GPR158: variants seen among roughly 807,000 people sequenced by gnomAD.
GPR158 encodes metabotropic glycine receptor.
In GPR158, 30 loss-of-function variants were observed where a neutral mutation model predicts 78.2. The ratio of observed to expected loss-of-function variants is 0.38; its 90% CI spans 0.29 to 0.52. GPR158 has a LOEUF of 0.52. Among genes scored for constraint, GPR158 ranks in the 20% least tolerant of loss-of-function variants. The pLI is 0.83. For synonymous variants in GPR158, 581 were observed against 591.1 expected (o/e 0.98, Z 0.25); for missense variants, 1,463 against 1,523.5 (o/e 0.96, Z 0.66).
At chr10:25,260,123 C>T (rs1221645757) in intron 2 of GPR158, among the ~76,000 whole-genome samples, 2 of 151,978 alleles carry the variant, frequency 1.3e-5, no homozygotes, top group East Asian at 1.9e-4. Context: ...TTTTAAAGAA[C>T]GAGGTAACTG....
At chr10:25,302,971 G>T (rs1413400) in intron 2 of GPR158, among the ~76,000 whole-genome samples, 30,774 of 152,122 alleles carry the variant, frequency 0.2, 5,257 homozygotes, top group African/African-American at 0.47. Flanking sequence ...TCAATTCTTC[G>T]TCTGGTAGAT....
In GPR158 at chr10:25,176,472, C is replaced by T; in HGVS notation, c.902+150C>T. On this transcript the variant is annotated intron_variant, in intron 1 of 10. Coordinates refer to ENST00000376351, the MANE Select transcript of GPR158 (RefSeq NM_020752.3). The surrounding 1 kb of genome is among the most constrained non-coding windows in gnomAD (Gnocchi z 6.3). ...GAGACCCGGGCTGAGGGACACCCCA[C>T]GCGGGCGCGGGTGCTTGGGGGCAAG... 1.5e-6 allele frequency: 1 copy of T among 663,224 alleles called. No homozygotes were observed. The highest frequency in any genetic ancestry group is 3.5e-5 in the Admixed American group (1 of 28,880). 41.1% of individuals were successfully genotyped at this position (663,224 alleles called of 1,614,324 possible). A position where few individuals can be genotyped will look rare whatever the true frequency, so the allele number is the denominator to read the frequency against.
intron 7 of GPR158, among the ~76,000 whole-genome samples, chr10:25,579,930 T>C (rs1214130107): frequency 2.0e-5 from 3 of 152,204 alleles, no homozygotes; most frequent in Non-Finnish European, 4.4e-5. Flanking sequence ...TAACTCTTCT[T>C]AACAGCATTT....
intron 5 of GPR158, among the ~76,000 whole-genome samples, chr10:25,483,747 G>A (rs944540134): frequency 2.0e-5 from 3 of 152,234 alleles, no homozygotes; most frequent in East Asian, 3.9e-4. Flanking sequence ...AACATGTGGA[G>A]TATGGCTCTT....
intron 5 of GPR158, among the ~76,000 whole-genome samples, chr10:25,471,795 T>G (rs1366452493): frequency 6.6e-6 from 1 of 152,216 alleles, no homozygotes; most frequent in Non-Finnish European, 1.5e-5. Flanking sequence ...CTTCGCCCAC[T>G]TTTTGATGGG....
chr10:25,471,132 C>T (rs529447156), intron 5 of GPR158, among the ~76,000 whole-genome samples: 6 of 143,730 alleles, frequency 4.2e-5, no homozygotes, highest in Admixed American at 1.4e-4. Context: ...TGACAGGCCC[C>T]GGTGTGTGAT....
At chr10:25,187,085 C>A (rs1852699623) in intron 1 of GPR158, among the ~76,000 whole-genome samples, 1 of 151,712 alleles carries the variant, frequency 6.6e-6, no homozygotes, top group Non-Finnish European at 1.5e-5. Flanking sequence ...CTGCCTCAGC[C>A]TCCCGAGTAT....
intron 5 of GPR158, among the ~76,000 whole-genome samples, chr10:25,515,682 C>A (rs1284386488): frequency 7.9e-4 from 118 of 149,002 alleles, no homozygotes; most frequent in Middle Eastern, 3.4e-3. Flanking sequence ...ATCCATGTCC[C>A]TACAAAGGAC....
chr10:25,354,269 C>A (rs2130523650), intron 2 of GPR158, among the ~76,000 whole-genome samples: 1 of 151,360 alleles, frequency 6.6e-6, no homozygotes, highest in South Asian at 2.1e-4. Flanking sequence ...GCAGGAGAAT[C>A]ACTTGAACTG....
intron 2 of GPR158, among the ~76,000 whole-genome samples, chr10:25,387,106 T>C (rs1450620854): frequency 6.6e-6 from 1 of 152,190 alleles, no homozygotes; most frequent in Non-Finnish European, 1.5e-5. Flanking sequence ...ATGTTATCTG[T>C]GGTTTTTCAT....
chr10:25,552,544 T>C (rs75236408), intron 6 of GPR158, among the ~76,000 whole-genome samples: 10,837 of 152,258 alleles, frequency 0.071, 779 homozygotes, highest in African/African-American at 0.18. Context: ...CTTATAGTTT[T>C]CTTATTTGTC....
intron 1 of GPR158, among the ~76,000 whole-genome samples, chr10:25,215,020 T>C (rs1853188631): frequency 1.3e-5 from 2 of 152,200 alleles, no homozygotes; most frequent in South Asian, 2.1e-4. Context: ...AATTCAGCAG[T>C]CCTGGCTTTT....
intron 1 of GPR158, among the ~76,000 whole-genome samples, chr10:25,207,834 G>A (rs1853065786): frequency 6.6e-6 from 1 of 152,126 alleles, no homozygotes; most frequent in South Asian, 2.1e-4. Flanking sequence ...TGATTAGTGG[G>A]CTTCATGTTT....
At chr10:25,537,287 C>T (rs1836513562) in intron 5 of GPR158, among the ~76,000 whole-genome samples, 1 of 152,100 alleles carries the variant, frequency 6.6e-6, no homozygotes, top group African/African-American at 2.4e-5. Context: ...CTCTTTCAGC[C>T]TTAATATAGT....
At chr10:25,491,830 G>A (rs1453566688) in intron 5 of GPR158, among the ~76,000 whole-genome samples, 1 of 152,072 alleles carries the variant, frequency 6.6e-6, no homozygotes, top group African/African-American at 2.4e-5. Context: ...ATCATTATAT[G>A]GATAGGTCAA....
intron 2 of GPR158, among the ~76,000 whole-genome samples, chr10:25,227,396 T>C (rs146258921): frequency 4.6e-5 from 7 of 152,342 alleles, no homozygotes; most frequent in Admixed American, 1.3e-4. Flanking sequence ...CATCTTTCCC[T>C]GCGTACAGTT....
At chr10:25,362,072 A>G (rs1855648970) in intron 2 of GPR158, among the ~76,000 whole-genome samples, 1 of 151,784 alleles carries the variant, frequency 6.6e-6, no homozygotes, top group African/African-American at 2.4e-5. Flanking sequence ...ATCCTGAAAT[A>G]TTTCCTGTAT....
rs574651718 is a variant in GPR158, at chr10:25,543,403, G to A, written c.1405-7573G>A. 7.2e-5 allele frequency among the ~76,000 whole-genome samples: 11 copies of A among 152,280 alleles called. No individual in the cohort carries two copies. In the South Asian group the frequency reaches 2.3e-3, roughly 32 times the overall value. On this transcript the variant is annotated intron_variant, in intron 5 of 10. Transcript: ENST00000376351. Reference sequence around the variant, plus strand: ...CCCAAAGTGCTGGGATTACAGGCGTGAGCCACTGCACCCAGCCAGCAATAC... The same window carrying A: ...CCCAAAGTGCTGGGATTACAGGCGTAAGCCACTGCACCCAGCCAGCAATAC...
At chr10:25,460,901 C>G (rs998114533) in intron 4 of GPR158, among the ~76,000 whole-genome samples, 4 of 152,146 alleles carry the variant, frequency 2.6e-5, no homozygotes, top group African/African-American at 9.7e-5. Flanking sequence ...TGCAATATTT[C>G]AGCAAATGCT....
Sources: gnomAD v4.1 joint callset for allele counts (sites outside exome capture counted in the v4.1 genomes callset) on GRCh38, gnomAD v4.1.1 for gene constraint, Gnocchi (gnomAD v3.1) non-coding constraint, MANE v1.5 for transcripts, NCBI Gene and HGNC (gene_info 2026-07-23, HGNC 2026-07-21) for gene names.